The following MPDZ variants were observed in gnomAD, a reference collection of about 807,000 sequenced individuals.
MPDZ encodes the protein multiple PDZ domain crumbs cell polarity complex component.
In MPDZ, 234 loss-of-function variants were observed where a neutral mutation model predicts 239.1. The observed-to-expected ratio is 0.98, with a 90% CI of 0.88 to 1.09. MPDZ has a LOEUF of 1.09. Among genes scored for constraint, MPDZ ranks in the 50% least tolerant of loss-of-function variants. The pLI is 0.00. For synonymous variants in MPDZ, 1,048 were observed against 881.3 expected (o/e 1.19, Z -3.35); for missense variants, 3,175 against 2,510.0 (o/e 1.26, Z -5.66).
Position 13,170,578 on chromosome 9 carries a change from T to C in MPDZ, c.3056-2014A>G, listed in dbSNP as rs145178517. ...CAATACCCACAATATAACTGTACTT[T>C]GGTAAAATAAAAATGTGTCAGCACA... On this transcript the variant is annotated intron_variant, in intron 21 of 46. Coordinates refer to ENST00000319217, the MANE Select transcript of MPDZ (RefSeq NM_001378778.1). Among the ~76,000 whole-genome samples the C allele has an allele frequency of 5.6e-4, 86 of 152,288 alleles. 1 individual carries two copies. The highest frequency in any genetic ancestry group is 2.0e-3 in the African/African-American group (83 of 41,562).
At chr9:13,161,588 TG>T (rs1467216843) in intron 23 of MPDZ, among the ~76,000 whole-genome samples, 1 of 151,750 alleles carries the variant, frequency 6.6e-6, no homozygotes, top group Non-Finnish European at 1.5e-5. Context: ...AAAAAAGAAT[TG>T]TAGAACTCTC....
chr9:13,106,971 G>C lies in MPDZ; in HGVS notation c.6207C>G (p.Leu2069=), dbSNP rs1941555819. ...RTKGTVTLMV[L]S ...TTCAATTCTGGCAGCCAATTCAAGA[G>C]AGAACCATCAAAGTGACAGTGCCTT... Residue 2069 remains leucine (L), a synonymous_variant, in exon 47 of 47, where the codon CTC becomes CTG. Transcript: ENST00000319217. The C allele has an allele frequency of 1.2e-6, 2 of 1,613,572 alleles. No individual in the cohort carries two copies. Among genetic ancestry groups the C allele is most frequent in the Non-Finnish European group, 1.7e-6 (2 of 1,179,590 alleles).
intron 24 of MPDZ, among the ~76,000 whole-genome samples, chr9:13,153,747 T>A (rs1033961333): frequency 6.6e-6 from 1 of 152,090 alleles, no homozygotes; most frequent in African/African-American, 2.4e-5. Context: ...GCCACAAGTG[T>A]AAATATTTAA....
At chr9:13,189,048 C>T (rs1954540329) in intron 16 of MPDZ, 55 bp from the exon 17 acceptor site, 1 of 1,498,158 alleles carries the variant, frequency 6.7e-7, no homozygotes. Flanking sequence ...AATTCTTCTA[C>T]AGGTCGTCCA....
At chr9:13,272,301 G>A (rs1973161792) in intron 1 of MPDZ, among the ~76,000 whole-genome samples, 2 of 152,118 alleles carry the variant, frequency 1.3e-5, no homozygotes, top group African/African-American at 4.8e-5. Flanking sequence ...TAGCTAGGGA[G>A]CAATAACCCA....
At chr9:13,221,152 T>C (rs1191554884) in intron 7 of MPDZ, among the ~76,000 whole-genome samples, 1 of 151,992 alleles carries the variant, frequency 6.6e-6, no homozygotes, top group Non-Finnish European at 1.5e-5. Flanking sequence ...GTTAAACTCA[T>C]TGTCTAAAAC....
chr9:13,137,903 T>C (rs977858160), intron 29 of MPDZ, 54 bp downstream of exon 29: 1 of 1,554,550 alleles, frequency 6.4e-7, no homozygotes, highest in South Asian at 1.2e-5. Context: ...AAACTGACAG[T>C]TCCATTACCC....
intron 1 of MPDZ, among the ~76,000 whole-genome samples, chr9:13,257,262 T>C (rs1293380758): frequency 6.6e-6 from 1 of 152,174 alleles, no homozygotes; most frequent in Non-Finnish European, 1.5e-5. Context: ...CGTTCCATCA[T>C]GCATGTGGGG....
chr9:13,121,661 C>T (rs1944367896), intron 38 of MPDZ, 78 bp downstream of exon 38: 4 of 1,453,052 alleles, frequency 2.8e-6, no homozygotes, highest in Non-Finnish European at 3.8e-6. Flanking sequence ...AAAGATTCAC[C>T]TACTGCTATT....
At position 13,119,576 on chromosome 9, in the gene MPDZ, C is replaced by T. The variant is rs772351764; in HGVS notation, c.5305G>A (p.Gly1769Arg). The T allele has an allele frequency of 3.7e-6, 6 of 1,613,984 alleles. No homozygotes were observed. The highest frequency in any genetic ancestry group is 5.1e-6 in the Non-Finnish European group (6 of 1,179,868). The stretch of plus-strand genomic sequence containing the variant: ...CCATTCACCATTAATATCTGGTCTC[C>T]CTGCATCAGTCTTCCATCGGCATCT... ...IADADGRLMQ[G>R]DQILMVNGED... is the part of the protein sequence containing the mutation. Residue 1769 changes from glycine to arginine, a missense_variant, in exon 39 of 47, where the codon GGA becomes AGA. Coordinates refer to ENST00000319217, the MANE Select transcript of MPDZ (RefSeq NM_001378778.1).
At chr9:13,213,988 G>GT (rs2136005847) in intron 10 of MPDZ, among the ~76,000 whole-genome samples, 1 of 152,036 alleles carries the variant, frequency 6.6e-6, no homozygotes, top group East Asian at 1.9e-4. Context: ...TCCCAACTTT[G>GT]TAAGTGAAGA....
At chr9:13,162,654 G>A (rs760829264) in intron 23 of MPDZ, 37 bp downstream of exon 23, 40 of 1,403,094 alleles carry the variant, frequency 2.9e-5, no homozygotes, top group Non-Finnish European at 3.9e-5. Flanking sequence ...ACAACTTGCT[G>A]TACCATTCAT....
At chr9:13,195,149 G>T (rs936886082) in intron 13 of MPDZ, among the ~76,000 whole-genome samples, 1 of 152,146 alleles carries the variant, frequency 6.6e-6, no homozygotes, top group African/African-American at 2.4e-5. Flanking sequence ...TCAGTTGGGC[G>T]TGGTGCTGCA....
chr9:13,145,237 T>C (rs1948274697), intron 26 of MPDZ, among the ~76,000 whole-genome samples: 1 of 152,024 alleles, frequency 6.6e-6, no homozygotes, highest in African/African-American at 2.4e-5. Context: ...CTTCTGTTTA[T>C]AGTCCCAGGG....
chr9:13,130,169 G>A (rs1945751113), intron 32 of MPDZ, among the ~76,000 whole-genome samples: 1 of 152,056 alleles, frequency 6.6e-6, no homozygotes. Context: ...CTGATCAATT[G>A]AATTTGCATT....
chr9:13,119,067 G>A (rs1943936191), intron 39 of MPDZ, among the ~76,000 whole-genome samples: 1 of 152,060 alleles, frequency 6.6e-6, no homozygotes. Flanking sequence ...CCCTTCTATG[G>A]AACATAAATG....
Position 13,219,620 on chromosome 9 carries a change from G to A in MPDZ, c.1025C>T (p.Thr342Ile). 1 of 1,612,452 alleles carries A rather than the reference G, an allele frequency of 6.2e-7. No homozygotes were observed. Among genetic ancestry groups the A allele is most frequent in the Non-Finnish European group, 8.5e-7 (1 of 1,179,124 alleles). The change falls in exon 8 of 47, where the codon ACA becomes ATA. Residue 342 changes from threonine (T) to isoleucine (I), a missense_variant. Coordinates refer to ENST00000319217, the MANE Select transcript of MPDZ (RefSeq NM_001378778.1). ...MIARGAIEER[T>I]APTALGITLS... ...GGTGATGCCCAAAGCAGTGGGTGCT[G>A]TACGTTCTTCTATGGCACCTCTTGC...
Position 13,250,996 on chromosome 9 carries a change from G to A in MPDZ, c.-57-624C>T, listed in dbSNP as rs150715082. Among the ~76,000 whole-genome samples, 634 of 151,792 alleles carry A rather than the reference G, an allele frequency of 4.2e-3. 7 individuals carry two copies. The highest frequency in any genetic ancestry group is 0.015 in the African/African-American group (609 of 41,398). ...ATACAAAAATTAGCTGGGTGTGGTT[G>A]TGCACACCTGTAATCCCAGCTACTC... On this transcript the variant is annotated intron_variant, in intron 1 of 46. Coordinates refer to ENST00000319217, the MANE Select transcript of MPDZ (RefSeq NM_001378778.1).
chr9:13,206,039 T>C lies in MPDZ; in HGVS notation c.1351A>G (p.Thr451Ala), dbSNP rs201448499. ...AGTGTCAGGAGCACAGTTTGTCCTG[T>C]ATGTCGCAATACCTCTACTGCTTGC... Reference protein sequence around the residue: ...NQQAVEVLRHTGQTVLLTLMR... With the variant: ...NQQAVEVLRHAGQTVLLTLMR... Residue 451 changes from threonine (T) to alanine (A), a missense_variant, in exon 11 of 47, where the codon ACA becomes GCA. By Grantham distance (58) the Thr-to-Ala change is moderately conservative. Coordinates refer to ENST00000319217, the MANE Select transcript of MPDZ (RefSeq NM_001378778.1). The C allele has an allele frequency of 2.6e-4, 424 of 1,612,676 alleles. No homozygotes were observed. Among genetic ancestry groups the C allele is most frequent in the Admixed American group, 8.0e-4 (48 of 59,898 alleles).
Sources: gnomAD v4.1 joint callset for allele counts (sites outside exome capture counted in the v4.1 genomes callset) on GRCh38, gnomAD v4.1.1 for gene constraint, MANE v1.5 for transcripts, NCBI Gene and HGNC (gene_info 2026-07-23, HGNC 2026-07-21) for gene names.